ASAP1: variants seen among roughly 807,000 people sequenced by gnomAD.
The protein encoded by ASAP1 is arf-GAP with SH3 domain, ANK repeat and PH domain-containing protein 1.
Under a neutral mutation model 145.2 loss-of-function variants are expected in ASAP1, and 43 were observed. The ratio of observed to expected loss-of-function variants is 0.30; its 90% CI spans 0.23 to 0.38. The LOEUF (loss-of-function observed/expected upper bound fraction) is 0.38, where lower values mean the gene tolerates loss of function less well. Among genes scored for constraint, ASAP1 ranks in the 10% least tolerant of loss-of-function variants. The pLI, the probability that ASAP1 is intolerant of heterozygous loss-of-function variation, is 1.00. For synonymous variants in ASAP1, 546 were observed against 515.5 expected (o/e 1.06, Z -0.80); for missense variants, 1,018 against 1,355.3 (o/e 0.75, Z 3.91).
intron 24 of ASAP1, among the ~76,000 whole-genome samples, chr8:130,097,234 G>C (rs1436422250): frequency 6.6e-6 from 1 of 150,576 alleles, no homozygotes; most frequent in African/African-American, 2.4e-5. Context: ...GGCACTTCTG[G>C]GTCCTCTTTT....
chr8:130,424,176 C>A (rs553320684), intron 1 of ASAP1, among the ~76,000 whole-genome samples: 1 of 152,348 alleles, frequency 6.6e-6, no homozygotes, highest in Admixed American at 6.5e-5. Context: ...GTGAGCTGAG[C>A]TTGAAAATGG....
chr8:130,329,421 G>C (rs1309356509), intron 3 of ASAP1, among the ~76,000 whole-genome samples: 1 of 152,136 alleles, frequency 6.6e-6, no homozygotes, highest in Non-Finnish European at 1.5e-5. Context: ...CCAAAGGGTA[G>C]AGCAAAGATC....
intron 3 of ASAP1, among the ~76,000 whole-genome samples, chr8:130,245,335 G>A (rs1818783201): frequency 6.6e-6 from 1 of 152,106 alleles, no homozygotes; most frequent in South Asian, 2.1e-4. Flanking sequence ...ATTTCTGTCA[G>A]AAACATTTAA....
intron 3 of ASAP1, among the ~76,000 whole-genome samples, chr8:130,311,067 G>A (rs182997793): frequency 5.1e-4 from 77 of 152,332 alleles, no homozygotes; most frequent in African/African-American, 1.7e-3. Context: ...GCCATTCTAT[G>A]AGAACGCAGT....
chr8:130,310,887 T>C lies in ASAP1; in HGVS notation c.186+47130A>G, dbSNP rs150896778. 5.8e-4 allele frequency among the ~76,000 whole-genome samples: 88 copies of C among 152,324 alleles called. 2 individuals are homozygous for C. The East Asian group carries it at 0.017, about 29-fold the overall frequency. On this transcript the variant is annotated intron_variant, in intron 3 of 29. Coordinates refer to ENST00000518721, the MANE Select transcript of ASAP1 (RefSeq NM_018482.4). ...CAAGCTTAACATGATGCCAACATAA[T>C]GTTTAAGTTACACTTTGAGAACCCA... is the stretch of plus-strand genomic sequence containing the variant.
chr8:130,242,279 AAAAAC>A (rs1206619402), intron 3 of ASAP1, among the ~76,000 whole-genome samples: 5 of 150,924 alleles, frequency 3.3e-5, no homozygotes, highest in East Asian at 3.9e-4. Flanking sequence ...AAAAAAAAAA[AAAAAC>A]AACTTTTTTT....
intron 7 of ASAP1, among the ~76,000 whole-genome samples, chr8:130,181,376 T>G (rs1010908070): frequency 9.8e-5 from 15 of 152,356 alleles, no homozygotes; most frequent in Admixed American, 6.5e-5. Context: ...TACCTACTAT[T>G]GGGTAAAGCA....
chr8:130,123,689 C>T (rs192172014), intron 18 of ASAP1, among the ~76,000 whole-genome samples: 5 of 152,200 alleles, frequency 3.3e-5, no homozygotes, highest in South Asian at 2.1e-4. Context: ...TGCAGGGGTG[C>T]GATCTCGGCT....
chr8:130,137,042 G>GA lies in ASAP1; in HGVS notation c.1081-5dup, dbSNP rs1325990132. 1 of 1,612,740 alleles carries GA rather than the reference G, an allele frequency of 6.2e-7. No homozygotes were observed. The highest frequency in any genetic ancestry group is 8.5e-7 in the Non-Finnish European group (1 of 1,178,724). ...ACTTGGCTGGTTGCCTGTTAGACTG[G>GA]AAAAAAAGAGAAAATGGAGAAGTTA... On this transcript the variant is annotated splice_region_variant and splice_polypyrimidine_tract_variant and intron_variant, in intron 13 of 29. Transcript: ENST00000518721.
At chr8:130,288,552 G>A (rs1448645062) in intron 3 of ASAP1, among the ~76,000 whole-genome samples, 2 of 152,204 alleles carry the variant, frequency 1.3e-5, no homozygotes, top group African/African-American at 4.8e-5. Flanking sequence ...AGTCTGGACT[G>A]CATATCCATT....
At chr8:130,118,702 T>G in intron 18 of ASAP1, 27 bp from the exon 19 acceptor site, 1 of 1,401,448 alleles carries the variant, frequency 7.1e-7, no homozygotes, top group Non-Finnish European at 9.4e-7. Flanking sequence ...TAAAGAATTT[T>G]TATTTTCCAA....
chr8:130,154,355 T>A (rs2097653629), intron 12 of ASAP1, among the ~76,000 whole-genome samples: 1 of 152,202 alleles, frequency 6.6e-6, no homozygotes, highest in African/African-American at 2.4e-5. Context: ...GAGAACGAAT[T>A]AAAACTTGGA....
At chr8:130,174,467 T>C (rs1002157414) in intron 9 of ASAP1, among the ~76,000 whole-genome samples, 2 of 152,308 alleles carry the variant, frequency 1.3e-5, no homozygotes, top group East Asian at 3.9e-4. Flanking sequence ...GTAACAGTAA[T>C]GGCAGCTAAC....
chr8:130,224,987 T>C (rs1237078654), intron 4 of ASAP1, among the ~76,000 whole-genome samples: 1 of 152,220 alleles, frequency 6.6e-6, no homozygotes, highest in South Asian at 2.1e-4. Flanking sequence ...TTCAACCATA[T>C]CAGCACATAG....
At chr8:130,082,040 G>C (rs2097481683) in intron 25 of ASAP1, among the ~76,000 whole-genome samples, 1 of 152,106 alleles carries the variant, frequency 6.6e-6, no homozygotes, top group Non-Finnish European at 1.5e-5. Flanking sequence ...CCTCTTCCAG[G>C]GTCTGTACTG....
At chr8:130,330,365 T>C (rs1477598641) in intron 3 of ASAP1, among the ~76,000 whole-genome samples, 1 of 152,266 alleles carries the variant, frequency 6.6e-6, no homozygotes, top group Non-Finnish European at 1.5e-5. Flanking sequence ...ATTTCTCCAG[T>C]TGGAACCTGT....
intron 24 of ASAP1, among the ~76,000 whole-genome samples, chr8:130,105,516 G>A (rs1005895907): frequency 2.0e-5 from 3 of 152,150 alleles, no homozygotes; most frequent in Non-Finnish European, 4.4e-5. Context: ...CAATTTTCAA[G>A]AATACAGTAC....
Position 130,059,168 on chromosome 8 carries a change from A to AT in ASAP1, c.3193-1093dup, listed in dbSNP as rs146227431. 3.7e-3 allele frequency among the ~76,000 whole-genome samples: 535 copies of AT among 144,978 alleles called. 1 individual carries two copies. The highest frequency in any genetic ancestry group is 9.5e-3 in the African/African-American group (378 of 39,716). On this transcript the variant is annotated intron_variant, in intron 28 of 29. Transcript: ENST00000518721. ...GACACACTTTTACTGCAACATTTAA[A>AT]TTTTTTTTTTTTTTGAGACGGGGTT... is the stretch of plus-strand genomic sequence containing the variant.
At chr8:130,278,025 T>C (rs1267939124) in intron 3 of ASAP1, among the ~76,000 whole-genome samples, 1 of 151,970 alleles carries the variant, frequency 6.6e-6, no homozygotes, top group Non-Finnish European at 1.5e-5. Context: ...TGAAGATTTA[T>C]TTCCCTGTGC....
Sources: allele counts gnomAD v4.1 joint callset (sites outside exome capture counted in the v4.1 genomes callset), GRCh38; gene constraint gnomAD v4.1.1; transcripts MANE v1.5; gene names NCBI Gene and HGNC (gene_info 2026-07-23, HGNC 2026-07-21).